Variants in FOCAD observed in about 807,000 individuals in gnomAD.
FOCAD encodes the protein focadhesin, also known as KIAA1797.
Under a neutral mutation model 225.6 loss-of-function variants are expected in FOCAD, and 198 were observed. That is an observed-to-expected ratio of 0.88 (90% confidence interval 0.78 to 0.99). FOCAD has a LOEUF of 0.99. Among genes scored for constraint, FOCAD ranks in the 50% least tolerant of loss-of-function variants. The pLI is 0.00. For synonymous variants in FOCAD, 897 were observed against 755.0 expected (o/e 1.19, Z -3.08); for missense variants, 2,713 against 2,123.6 (o/e 1.28, Z -5.46).
chr9:20,940,924 AT>A (rs113345744), intron 28 of FOCAD, among the ~76,000 whole-genome samples: 1 of 150,950 alleles, frequency 6.6e-6, no homozygotes, highest in Non-Finnish European at 1.5e-5. Context: ...CTGTGTATTT[AT>A]TTTTTTTCTG....
chr9:20,817,871 A>G (rs549605464), intron 11 of FOCAD, among the ~76,000 whole-genome samples: 13 of 152,286 alleles, frequency 8.5e-5, no homozygotes, highest in African/African-American at 2.6e-4. Context: ...TTGTGTGGAC[A>G]TATGTGTTCT....
At chr9:20,693,931 G>C (rs961296696) in intron 1 of FOCAD, among the ~76,000 whole-genome samples, 2 of 152,124 alleles carry the variant, frequency 1.3e-5, no homozygotes. Flanking sequence ...GGCCAGTCTC[G>C]AACTCTTGAC....
At chr9:20,774,646 A>G (rs897320464) in intron 8 of FOCAD, among the ~76,000 whole-genome samples, 3 of 152,240 alleles carry the variant, frequency 2.0e-5, no homozygotes, top group African/African-American at 7.2e-5. Context: ...GATATTATCC[A>G]TATTGAATTT....
chr9:20,733,257 C>T (rs1314115000), intron 4 of FOCAD, among the ~76,000 whole-genome samples: 2 of 152,150 alleles, frequency 1.3e-5, no homozygotes, highest in Non-Finnish European at 2.9e-5. Flanking sequence ...TAAACTGTGA[C>T]TGAATACAGG....
intron 28 of FOCAD, among the ~76,000 whole-genome samples, chr9:20,942,820 A>G (rs1283107725): frequency 6.6e-6 from 1 of 152,214 alleles, no homozygotes; most frequent in Admixed American, 6.5e-5. Context: ...AATAATTTTC[A>G]TCAGAGTTTA....
At chr9:20,814,947 G>GT (rs1554692160) in intron 11 of FOCAD, among the ~76,000 whole-genome samples, 2 of 151,694 alleles carry the variant, frequency 1.3e-5, no homozygotes, top group Non-Finnish European at 2.9e-5. Flanking sequence ...AATATTATAG[G>GT]ATTCTTTGTT....
rs1837429013 is a variant in FOCAD at position 20,948,835 on chromosome 9, G to A, written c.3799-16G>A. 2 of 1,612,780 alleles carry A rather than the reference G, an allele frequency of 1.2e-6. No individual in the cohort carries two copies. The highest frequency in any genetic ancestry group is 1.7e-6 in the Non-Finnish European group (2 of 1,179,168). ...GACTGATTCCCTCTTTTCATATTCT[G>A]ATGCTTTGTTTTCAGGGCACTCCCA... On this transcript the variant is annotated splice_polypyrimidine_tract_variant and intron_variant, in intron 31 of 43. Coordinates refer to ENST00000338382, the MANE Select transcript of FOCAD (RefSeq NM_001375567.1).
intron 18 of FOCAD, among the ~76,000 whole-genome samples, chr9:20,873,340 A>T (rs1369786822): frequency 6.6e-6 from 1 of 152,180 alleles, no homozygotes; most frequent in Non-Finnish European, 1.5e-5. Context: ...AATCTTTAAG[A>T]CAACTCTCAA....
At chr9:20,946,001 C>A (rs1404746385) in intron 29 of FOCAD, among the ~76,000 whole-genome samples, 2 of 152,108 alleles carry the variant, frequency 1.3e-5, no homozygotes, top group South Asian at 4.1e-4. Flanking sequence ...AAAGTTACTA[C>A]GCTAGTAAAT....
At chr9:20,691,837 G>C (rs71496856) in intron 1 of FOCAD, among the ~76,000 whole-genome samples, 1,564 of 143,430 alleles carry the variant, frequency 0.011, 6 homozygotes, top group Middle Eastern at 0.021. Context: ...GCACTGGCAC[G>C]ATCTCGGCTC....
rs747783987 is a variant in FOCAD, at chr9:20,758,091, A to T, written c.394A>T (p.Asn132Tyr). 3 of 1,599,092 alleles carry T rather than the reference A, an allele frequency of 1.9e-6. No individual in the cohort carries two copies. The Admixed American group carries it at 5.3e-5, about 28-fold the overall frequency. The change falls in exon 6 of 44, where the codon AAT (asparagine) becomes TAT (tyrosine). Residue 132 changes from asparagine (N) to tyrosine (Y), a missense_variant and splice_region_variant. Physicochemically the swap from Asn to Tyr is moderately radical, Grantham distance 143. Coordinates refer to ENST00000338382, the MANE Select transcript of FOCAD (RefSeq NM_001375567.1). ...CATGTGACTTTCTGTGTCTTTCAGA[A>T]ATCATCCTCATCCTTTGATAACTGT... ...KNIQSIYTIR[N>Y]HPHPLITVLE... is the part of the protein sequence containing the mutation.
intron 21 of FOCAD, chr9:20,897,046 C>T (rs1832149369): frequency 6.6e-6 from 1 of 151,810 alleles, no homozygotes; most frequent in Non-Finnish European, 1.5e-5. Flanking sequence ...GCAGTTCTAT[C>T]AGGTTTTGCC....
intron 28 of FOCAD, among the ~76,000 whole-genome samples, chr9:20,934,128 G>A (rs914240331): frequency 2.0e-5 from 3 of 152,122 alleles, no homozygotes; most frequent in African/African-American, 7.2e-5. Flanking sequence ...GTTGTATATA[G>A]ATTGTGAAGA....
chr9:20,837,913 C>A (rs1025937234), intron 15 of FOCAD, among the ~76,000 whole-genome samples: 1 of 151,914 alleles, frequency 6.6e-6, no homozygotes, highest in Admixed American at 6.6e-5. Flanking sequence ...TTAGACTTAA[C>A]CTTGATTATA....
chr9:20,712,819 A>G lies in FOCAD; in HGVS notation c.-32-2503A>G, dbSNP rs372046195. On this transcript the variant is annotated intron_variant, in intron 1 of 43. Coordinates refer to ENST00000338382, the MANE Select transcript of FOCAD (RefSeq NM_001375567.1). ...ACAACCTCGGCTTATTGCAACCTCC[A>G]CCTCCCGGGTTCAAGTGATTCTCCT... Among the ~76,000 whole-genome samples, 4 of 123,148 alleles carry G rather than the reference A, an allele frequency of 3.2e-5. No individual in the cohort carries two copies. In the East Asian group the frequency reaches 7.4e-4, roughly 23 times the overall value. The allele number at this position is 123,148 out of a possible 152,430, so 80.8% of individuals were successfully genotyped here.
intron 5 of FOCAD, among the ~76,000 whole-genome samples, chr9:20,743,771 T>C (rs937049686): frequency 2.6e-5 from 4 of 152,216 alleles, no homozygotes; most frequent in African/African-American, 7.2e-5. Context: ...TATGGAAATA[T>C]GTCATTTGTG....
intron 24 of FOCAD, among the ~76,000 whole-genome samples, chr9:20,922,769 A>G (rs1216881879): frequency 6.6e-6 from 1 of 152,210 alleles, no homozygotes; most frequent in Non-Finnish European, 1.5e-5. Flanking sequence ...GGACTAAACG[A>G]TCTGATGGTA....
chr9:20,755,268 A>G (rs1474305974), intron 5 of FOCAD, among the ~76,000 whole-genome samples: 4 of 152,182 alleles, frequency 2.6e-5, no homozygotes, highest in African/African-American at 9.7e-5. Context: ...TCCCTATCCT[A>G]CTATATTCTA....
In FOCAD at chr9:20,929,572, C is replaced by G; in HGVS notation, c.3293C>G (p.Ser1098Cys). 6.2e-7 allele frequency: 1 copy of G among 1,613,822 alleles called. No individual in the cohort carries two copies. Among genetic ancestry groups the G allele is most frequent in the Admixed American group, 1.7e-5 (1 of 60,018 alleles). Residue 1098 changes from serine to cysteine, a missense_variant, in exon 27 of 44, where the codon TCT becomes TGT. Ser to Cys is a moderately radical substitution (Grantham distance 112). Transcript: ENST00000338382. ...HMGLALGMFL[S>C]RLCEEKLSDI... ...GGCCTTGCTTTAGGGATGTTTCTCT[C>G]TCGCTTGTGTGAAGAGAAACTCAGG... is the stretch of plus-strand genomic sequence containing the variant.
Sources: allele counts gnomAD v4.1 joint callset (sites outside exome capture counted in the v4.1 genomes callset), GRCh38; gene constraint gnomAD v4.1.1; transcripts MANE v1.5; gene names NCBI Gene and HGNC (gene_info 2026-07-23, HGNC 2026-07-21).